Variants in TENM1 observed in about 807,000 individuals in gnomAD.
TENM1 encodes the protein teneurin-1.
A neutral mutation model predicts 174.8 loss-of-function variants in TENM1; 35 were observed. The observed-to-expected ratio is 0.20, with a 90% CI of 0.15 to 0.27. The LOEUF is 0.27. Ranked by LOEUF, TENM1 falls within the 10% of genes least tolerant of loss-of-function variation. TENM1 has a pLI of 1.00. For synonymous variants in TENM1, 781 were observed against 798.7 expected (o/e 0.98, Z 0.37); for missense variants, 1,633 against 2,130.1 (o/e 0.77, Z 4.59).
At chrX:124,529,956 C>A (rs2048068823) in exon 16 of TENM1, 1 of 1,210,407 alleles carries the variant, frequency 8.3e-7, no homozygotes, top group South Asian at 1.8e-5. Flanking sequence ...CTATGGCCAC[C>A]ACTTGGCCTC....
chrX:125,010,812 T>TAAA, the TENM1 span, among the ~76,000 whole-genome samples: 1 of 64,482 alleles, frequency 1.6e-5, no homozygotes. Context: ...AGACTCCGTC[T>TAAA]AAAAAAAAAA....
chrX:125,198,608 G>A, the TENM1 span, among the ~76,000 whole-genome samples: 13 of 111,384 alleles, frequency 1.2e-4, no homozygotes, highest in South Asian at 3.7e-4. Context: ...CTGATTTTTC[G>A]TTCAGCTTAA....
At chrX:124,908,869 T>C (rs1330360823) in intron 1 of TENM1, among the ~76,000 whole-genome samples, 1 of 109,849 alleles carries the variant, frequency 9.1e-6, no homozygotes, top group African/African-American at 3.3e-5. Context: ...CAATTTTTTT[T>C]TTTTTTTAGA....
the TENM1 span, among the ~76,000 whole-genome samples, chrX:125,069,665 C>A: frequency 6.3e-5 from 7 of 110,608 alleles, no homozygotes; most frequent in African/African-American, 9.9e-5. Context: ...GGCTTAAAAC[C>A]TAGATGATGG....
the TENM1 span, among the ~76,000 whole-genome samples, chrX:125,015,330 C>A: frequency 1.8e-5 from 2 of 111,656 alleles, no homozygotes; most frequent in African/African-American, 3.3e-5. Context: ...CCTCTCCCAG[C>A]GTATCAATAG....
chrX:124,886,081 T>C (rs755667023), intron 3 of TENM1, among the ~76,000 whole-genome samples: 2 of 112,025 alleles, frequency 1.8e-5, no homozygotes, highest in African/African-American at 3.2e-5. Flanking sequence ...AATTGAAACA[T>C]TATTTTCAAA....
At chrX:124,404,858 G>C (rs1355205658) in intron 27 of TENM1, among the ~76,000 whole-genome samples, 173 bp downstream of exon 30, 1 of 111,494 alleles carries the variant, frequency 9.0e-6, no homozygotes, top group Non-Finnish European at 1.9e-5. Flanking sequence ...TCGGCCATTA[G>C]CATCCTCTTT....
intron 22 of TENM1, among the ~76,000 whole-genome samples, chrX:124,454,709 G>A (rs940845087): frequency 7.2e-5 from 8 of 111,694 alleles, no homozygotes; most frequent in African/African-American, 1.6e-4. Context: ...GCCCTAGGTC[G>A]TTATATCATA....
chrX:125,135,879 C>A, the TENM1 span, among the ~76,000 whole-genome samples: 1 of 111,605 alleles, frequency 9.0e-6, no homozygotes, highest in Non-Finnish European at 1.9e-5. Flanking sequence ...AATCAGAATA[C>A]AAATCTGAAA....
the TENM1 span, among the ~76,000 whole-genome samples, chrX:125,184,837 T>A: frequency 9.0e-6 from 1 of 111,583 alleles, no homozygotes; most frequent in Admixed American, 9.5e-5. Flanking sequence ...GTGCCTTAGT[T>A]ACTAAGGACT....
intron 11 of TENM1, among the ~76,000 whole-genome samples, chrX:124,587,520 C>T (rs1208895114): frequency 5.4e-5 from 6 of 111,176 alleles, no homozygotes; most frequent in Non-Finnish European, 1.1e-4. Flanking sequence ...CTTCCTTACA[C>T]CTTATACAAA....
chrX:124,978,178 T>TAAGTCTTTTC, the TENM1 span, among the ~76,000 whole-genome samples: 6,306 of 110,999 alleles, frequency 0.057, 438 homozygotes, highest in African/African-American at 0.19. Context: ...AATTTCCAGT[T>TAAGTCTTTTC]AAGTCTTTTC....
chrX:124,638,055 A>C (rs966091233), intron 11 of TENM1, among the ~76,000 whole-genome samples: 4 of 111,654 alleles, frequency 3.6e-5, no homozygotes, highest in African/African-American at 1.3e-4. Context: ...TTTTTTCCAG[A>C]TCTAATATTC....
At chrX:124,645,781 C>T (rs1336963261) in intron 9 of TENM1, among the ~76,000 whole-genome samples, 1 of 112,054 alleles carries the variant, frequency 8.9e-6, no homozygotes, top group Non-Finnish European at 1.9e-5. Flanking sequence ...ATGTCTGTTC[C>T]TATAACACAT....
intron 5 of TENM1, among the ~76,000 whole-genome samples, chrX:124,686,242 T>C (rs753209690): frequency 2.7e-5 from 3 of 111,220 alleles, no homozygotes; most frequent in Non-Finnish European, 5.7e-5. Flanking sequence ...CTGAGAATAT[T>C]ATAACTGGCA....
rs903512980 is a variant in TENM1, at chrX:124,497,032, T to A, written c.3679A>T (p.Ser1227Cys). The A allele has an allele frequency of 6.6e-6, 8 of 1,208,142 alleles. No homozygotes were observed. The African/African-American group carries it at 1.4e-4, about 21-fold the overall frequency. Reference sequence around the variant, plus strand: ...AAGACTTACCTTAATTCCAAAATACTAACGGAGTTTCCCGAGGGAAATATT... The same window carrying A: ...AAGACTTACCTTAATTCCAAAATACAAACGGAGTTTCCCGAGGGAAATATT... Residue 1227 changes from serine to cysteine, a missense_variant, in exon 20 of 32, where the codon AGT becomes TGT. By Grantham distance (112) the Ser-to-Cys change is moderately radical. Transcript: ENST00000422452.
rs755851014 is a variant in TENM1 at position 124,870,978 on chromosome X, T to A, written c.535+23318A>T. Among the ~76,000 whole-genome samples the A allele has an allele frequency of 8.9e-5, 10 of 111,897 alleles. No individual in the cohort carries two copies. In the South Asian group the frequency reaches 3.8e-3, roughly 42 times the overall value. On this transcript the variant is annotated intron_variant, in intron 3 of 31. Transcript: ENST00000422452. ...TGGCATGTTCATAATCTCAAATCTT[T>A]ATCTTTTTTTTGTGGTGATATCTTG...
Position 124,706,095 on chromosome X carries a change from G to A in TENM1, c.777-844C>T, listed in dbSNP as rs1041873451. On this transcript the variant is annotated intron_variant, in intron 4 of 31. Coordinates refer to ENST00000422452, the Ensembl canonical transcript of TENM1. ...ACTTTTTGTATTTTTAGTAGAGATG[G>A]GGTTTCACCATGTCGGCCAGGATGG... Among the ~76,000 whole-genome samples, 4 of 111,548 alleles carry A rather than the reference G, an allele frequency of 3.6e-5. No homozygotes were observed. The East Asian group carries it at 8.4e-4, about 23-fold the overall frequency.
At chrX:125,076,288 C>T in the TENM1 span, among the ~76,000 whole-genome samples, 26 of 111,339 alleles carry the variant, frequency 2.3e-4, no homozygotes, top group African/African-American at 7.8e-4. Flanking sequence ...TTATGTTTTA[C>T]CTGAACTTGA....
Sources: gnomAD v4.1 joint callset for allele counts (sites outside exome capture counted in the v4.1 genomes callset) on GRCh38, gnomAD v4.1.1 for gene constraint, MANE v1.5 for transcripts, NCBI Gene and HGNC (gene_info 2026-07-23, HGNC 2026-07-21) for gene names.